MROH2B: variants seen among roughly 807,000 people sequenced by gnomAD.
The protein encoded by MROH2B is maestro heat-like repeat-containing protein family member 2B.
In MROH2B, 177 loss-of-function variants were observed where a neutral mutation model predicts 208.6. The ratio of observed to expected loss-of-function variants is 0.85; its 90% CI spans 0.75 to 0.96. The LOEUF is 0.96. MROH2B is among the 40% of genes least tolerant of loss of function. The pLI, the probability that MROH2B is intolerant of heterozygous loss-of-function variation, is 0.00. For missense variants in MROH2B, 2,002 were observed against 1,878.7 expected, an observed-to-expected ratio of 1.07 and a Z score of -1.21; for synonymous variants, 728 against 659.0, an observed-to-expected ratio of 1.10 and a Z score of -1.60.
chr5:41,042,504 G>A (rs1167263608), intron 18 of MROH2B, among the ~76,000 whole-genome samples: 1 of 152,122 alleles, frequency 6.6e-6, no homozygotes, highest in African/African-American at 2.4e-5. Flanking sequence ...GTTCATTGTA[G>A]CAGAGGGTCT....
intron 24 of MROH2B, among the ~76,000 whole-genome samples, chr5:41,019,333 T>C (rs1020631917): frequency 1.9e-5 from 1 of 52,820 alleles, no homozygotes; most frequent in Admixed American, 2.3e-4. Context: ...CTCCATCTTG[T>C]GTGTGTGTGT....
At chr5:41,012,483 T>C in intron 30 of MROH2B, 100 bp downstream of exon 30, 1 of 1,314,224 alleles carries the variant, frequency 7.6e-7, no homozygotes, top group Non-Finnish European at 1.0e-6. Flanking sequence ...TGCAAGCCTT[T>C]GCATGCTGCC....
chr5:41,012,460 C>A, intron 30 of MROH2B, 123 bp downstream of exon 30: 1 of 969,158 alleles, frequency 1.0e-6, no homozygotes, highest in Non-Finnish European at 1.5e-6. Context: ...TCTAATGAGG[C>A]CTCTTGAGGT....
intron 37 of MROH2B, among the ~76,000 whole-genome samples, chr5:41,001,452 C>T (rs1405513700): frequency 6.6e-6 from 1 of 152,104 alleles, no homozygotes; most frequent in African/African-American, 2.4e-5. Context: ...TGGCTCATGC[C>T]TGTAATCCCA....
intron 20 of MROH2B, among the ~76,000 whole-genome samples, chr5:41,039,156 A>G (rs1742860855): frequency 6.6e-6 from 1 of 152,176 alleles, no homozygotes; most frequent in South Asian, 2.1e-4. Context: ...CAGGGAAAGC[A>G]GAGTATGCAT....
At chr5:41,006,159 C>G (rs940118019) in intron 34 of MROH2B, among the ~76,000 whole-genome samples, 3 of 151,938 alleles carry the variant, frequency 2.0e-5, no homozygotes, top group African/African-American at 7.2e-5. Flanking sequence ...ACAATCCCAT[C>G]AAAAAGCAGG....
In MROH2B at chr5:41,032,790, A is replaced by T; in HGVS notation, c.2393T>A (p.Leu798Ter). ...DFIRDEPLDS[L>*]ASPIRWKALI... ...GGCTTTCCACCGAATAGGGCTAGCT[A>T]AGGAATCCAGGGGCTCGTCTCTAAT... is the stretch of plus-strand genomic sequence containing the variant. Residue 798 changes from leucine (L) to a stop codon, truncating the protein, a stop_gained, in exon 24 of 42, where the codon TTA (leucine) becomes TAA (stop). Coordinates refer to ENST00000399564, the MANE Select transcript of MROH2B (RefSeq NM_173489.5). LOFTEE classifies it high-confidence loss of function. 1.2e-6 allele frequency: 2 copies of T among 1,612,652 alleles called. No homozygotes were observed. The highest frequency in any genetic ancestry group is 3.3e-5 in the Admixed American group (2 of 59,786).
rs1177067636 is a variant in MROH2B at position 41,058,051 on chromosome 5, T to C, written c.756+12A>G. The C allele has an allele frequency of 1.3e-6, 2 of 1,549,210 alleles. No homozygotes were observed. Among genetic ancestry groups the C allele is most frequent in the Admixed American group, 1.9e-5 (1 of 51,716 alleles). The stretch of plus-strand genomic sequence containing the variant: ...GTTCTCTGATTCAGTTCCTTTAGGG[T>C]ATGGCTCTTACCTGAGTGACATGGA... On this transcript the variant is annotated intron_variant, in intron 7 of 41. Transcript: ENST00000399564.
chr5:41,001,433 C>T (rs186447313), intron 37 of MROH2B, among the ~76,000 whole-genome samples: 41 of 152,090 alleles, frequency 2.7e-4, no homozygotes, highest in South Asian at 1.7e-3. Context: ...CAAGAGAGGC[C>T]GGGTGCAGTG....
At chr5:41,015,776 A>C (rs80047050) in intron 28 of MROH2B, among the ~76,000 whole-genome samples, 6,365 of 152,314 alleles carry the variant, frequency 0.042, 132 homozygotes, top group African/African-American at 0.064. Context: ...GCACACGGTG[A>C]ATAAAAATAG....
Position 41,049,088 on chromosome 5 carries a change from G to C in MROH2B, c.1542+13C>G. On this transcript the variant is annotated intron_variant, in intron 15 of 41. Coordinates refer to ENST00000399564, the MANE Select transcript of MROH2B (RefSeq NM_173489.5). Reference sequence around the variant, plus strand: ...TAAATTTGTTCTACTTTGGTTCTTAGTAACTCACTCACCAGAAGTCTGGCC... The same window carrying C: ...TAAATTTGTTCTACTTTGGTTCTTACTAACTCACTCACCAGAAGTCTGGCC... The C allele has an allele frequency of 1.9e-6, 3 of 1,588,748 alleles. No homozygotes were observed. Among genetic ancestry groups the C allele is most frequent in the Non-Finnish European group, 2.6e-6 (3 of 1,166,246 alleles).
rs529206210 is a variant in MROH2B, at chr5:41,012,509, A to T, written c.3135+74T>A. 328 of 1,502,306 alleles carry T rather than the reference A, an allele frequency of 2.2e-4. 1 individual carries two copies. The African/African-American group carries it at 3.9e-3, about 18-fold the overall frequency. 93.1% of individuals were successfully genotyped at this position (1,502,306 alleles called of 1,614,324 possible). A position where few individuals can be genotyped will look rare whatever the true frequency, so the allele number is the denominator to read the frequency against. ...GCATGCTGCCCATCAGTGGACAAACAGAGAAAGTGGCTGACTTGGCATTTC... is the reference window on the plus strand; with the variant it reads ...GCATGCTGCCCATCAGTGGACAAACTGAGAAAGTGGCTGACTTGGCATTTC... On this transcript the variant is annotated intron_variant, in intron 30 of 41. Coordinates refer to ENST00000399564, the MANE Select transcript of MROH2B (RefSeq NM_173489.5).
chr5:41,052,901 T>C (rs1339893098), intron 11 of MROH2B, among the ~76,000 whole-genome samples: 1 of 152,182 alleles, frequency 6.6e-6, no homozygotes, highest in East Asian at 1.9e-4. Flanking sequence ...TTGAGTGTCA[T>C]GTTGGTGCTC....
chr5:41,020,383 TG>T (rs1432315888), intron 24 of MROH2B, among the ~76,000 whole-genome samples: 1 of 152,216 alleles, frequency 6.6e-6, no homozygotes, highest in East Asian at 1.9e-4. Flanking sequence ...TTGATTTATT[TG>T]AGCTTTCTAC....
At chr5:41,058,305 CT>C (rs2150179987) in intron 6 of MROH2B, 102 bp from the exon 7 acceptor site, 1 of 1,131,738 alleles carries the variant, frequency 8.8e-7, no homozygotes, top group Non-Finnish European at 1.2e-6. Flanking sequence ...ACTTTCCTCA[CT>C]GCTTTCAGCC....
chr5:41,019,577 T>C (rs1488188158), intron 24 of MROH2B, among the ~76,000 whole-genome samples: 2 of 152,210 alleles, frequency 1.3e-5, no homozygotes, highest in African/African-American at 4.8e-5. Context: ...CATGAGGATA[T>C]GAAAAAGTCT....
intron 37 of MROH2B, among the ~76,000 whole-genome samples, chr5:41,002,883 C>G (rs1426702023): frequency 6.6e-6 from 1 of 151,936 alleles, no homozygotes; most frequent in East Asian, 1.9e-4. Context: ...GACTTCAGCC[C>G]TGAACAACGA....
intron 11 of MROH2B, 150 bp downstream of exon 11, chr5:41,054,617 T>A (rs1743388054): frequency 2.0e-6 from 1 of 508,818 alleles, no homozygotes; most frequent in Non-Finnish European, 3.3e-6. Flanking sequence ...ATGAAGTTTA[T>A]CTCTTTGGAA....
chr5:41,059,186 A>T (rs1561305829), intron 6 of MROH2B, among the ~76,000 whole-genome samples: 1 of 151,116 alleles, frequency 6.6e-6, no homozygotes, highest in Non-Finnish European at 1.5e-5. Flanking sequence ...TGCTATCTCT[A>T]CCTCTCACCT....
Sources: allele counts gnomAD v4.1 joint callset (sites outside exome capture counted in the v4.1 genomes callset), GRCh38; gene constraint gnomAD v4.1.1; transcripts MANE v1.5; gene names NCBI Gene and HGNC (gene_info 2026-07-23, HGNC 2026-07-21).